The following HSDL2 variants were observed in gnomAD, a reference collection of about 807,000 sequenced individuals.
HSDL2 encodes hydroxysteroid dehydrogenase like 2.
A neutral mutation model predicts 46.3 loss-of-function variants in HSDL2; 27 were observed. The observed-to-expected ratio is 0.58, with a 90% CI of 0.43 to 0.80. HSDL2 has a LOEUF of 0.80. Ranked by LOEUF, HSDL2 falls within the 30% of genes least tolerant of loss-of-function variation. The probability of loss-of-function intolerance (pLI) is 0.00; values close to 1 mark genes in which losing one functional copy is unlikely to be tolerated. For missense variants in HSDL2, 451 were observed against 502.7 expected, an observed-to-expected ratio of 0.90 and a Z score of 0.98; for synonymous variants, 153 against 163.6, an observed-to-expected ratio of 0.94 and a Z score of 0.50.
intron 1 of HSDL2, among the ~76,000 whole-genome samples, chr9:112,396,910 A>C (rs1831469600): frequency 6.6e-6 from 1 of 152,074 alleles, no homozygotes; most frequent in South Asian, 2.1e-4. Context: ...TTGAAGCAGA[A>C]ATGCAACACT....
chr9:112,411,253 G>C (rs1052409931), intron 4 of HSDL2, among the ~76,000 whole-genome samples: 1 of 152,182 alleles, frequency 6.6e-6, no homozygotes, highest in Non-Finnish European at 1.5e-5. Flanking sequence ...TATGCCAAGA[G>C]GGCCGTATGT....
At chr9:112,390,295 A>G (rs760505861) in intron 1 of HSDL2, among the ~76,000 whole-genome samples, 16 of 152,086 alleles carry the variant, frequency 1.1e-4, no homozygotes, top group Non-Finnish European at 1.9e-4. Flanking sequence ...ATATATATTT[A>G]TGGACATTCA....
At chr9:112,384,140 T>C (rs1025337172) in intron 1 of HSDL2, among the ~76,000 whole-genome samples, 1 of 152,230 alleles carries the variant, frequency 6.6e-6, no homozygotes, top group Non-Finnish European at 1.5e-5. Context: ...TAGAATAATT[T>C]GTATAGTTTT....
At chr9:112,387,458 G>T (rs890846920) in intron 1 of HSDL2, among the ~76,000 whole-genome samples, 1 of 152,040 alleles carries the variant, frequency 6.6e-6, no homozygotes, top group Non-Finnish European at 1.5e-5. Flanking sequence ...GGGCTAAAGC[G>T]TTCTGCCCAC....
Position 112,470,362 on chromosome 9 carries a change from G to A in HSDL2, c.1145-70G>A, listed in dbSNP as rs1220649253. 6 of 857,302 alleles carry A rather than the reference G, an allele frequency of 7.0e-6. No individual in the cohort carries two copies. In the East Asian group the frequency reaches 7.6e-5, roughly 11 times the overall value. 53.1% of individuals were successfully genotyped at this position (857,302 alleles called of 1,614,324 possible). A position where few individuals can be genotyped will look rare whatever the true frequency, so the allele number is the denominator to read the frequency against. On this transcript the variant is annotated intron_variant, in intron 10 of 10. Transcript: ENST00000398805. ...CTCAAGGAGATTCTTTTTACAATGC[G>A]TGTTCTTAAAGCAATATATCCCTAA...
intron 6 of HSDL2, among the ~76,000 whole-genome samples, chr9:112,421,995 G>A (rs933858690): frequency 6.6e-6 from 1 of 152,182 alleles, no homozygotes; most frequent in African/African-American, 2.4e-5. Flanking sequence ...ACTCAGAAGG[G>A]CTTTGACCAC....
chr9:112,395,690 C>G (rs1831439335), intron 1 of HSDL2, among the ~76,000 whole-genome samples: 1 of 152,242 alleles, frequency 6.6e-6, no homozygotes. Flanking sequence ...AAAGGAGGGG[C>G]AGGCATGCCA....
chr9:112,420,280 C>G (rs907273543), intron 6 of HSDL2, among the ~76,000 whole-genome samples: 1 of 152,166 alleles, frequency 6.6e-6, no homozygotes, highest in Non-Finnish European at 1.5e-5. Context: ...GACCACTGCA[C>G]TCCATCCTGG....
At chr9:112,420,433 G>C (rs1480192430) in intron 6 of HSDL2, among the ~76,000 whole-genome samples, 1 of 151,914 alleles carries the variant, frequency 6.6e-6, no homozygotes, top group Non-Finnish European at 1.5e-5. Flanking sequence ...CACTTTGGGA[G>C]GCTGAGATTG....
chr9:112,442,292 AAAG>A lies in HSDL2; in HGVS notation c.865+529_865+531del, dbSNP rs1395659211. Among the ~76,000 whole-genome samples the A allele has an allele frequency of 6.4e-3, 783 of 122,042 alleles. 32 individuals are homozygous for A. The highest frequency in any genetic ancestry group is 0.014 in the East Asian group (51 of 3,644). 80.1% of individuals were successfully genotyped at this position (122,042 alleles called of 152,430 possible). A position where few individuals can be genotyped will look rare whatever the true frequency, so the allele number is the denominator to read the frequency against. Reference sequence around the variant, plus strand: ...TCAAAAAAAAAAAAAAAAAAAAAAAAAAGAAGAAGTTATTAATATATTCTTTGC... The same window carrying A: ...TCAAAAAAAAAAAAAAAAAAAAAAAAAAGAAGTTATTAATATATTCTTTGC... On this transcript the variant is annotated intron_variant, in intron 8 of 10. Coordinates refer to ENST00000398805, the MANE Select transcript of HSDL2 (RefSeq NM_032303.5).
intron 8 of HSDL2, among the ~76,000 whole-genome samples, chr9:112,447,449 A>C (rs1419578712): frequency 2.0e-5 from 3 of 152,198 alleles, no homozygotes; most frequent in African/African-American, 7.2e-5. Flanking sequence ...TGTAGATGAT[A>C]TATCTTGACT....
At chr9:112,422,170 CATT>C (rs2132647976) in intron 6 of HSDL2, among the ~76,000 whole-genome samples, 1 of 151,754 alleles carries the variant, frequency 6.6e-6, no homozygotes, top group South Asian at 2.1e-4. Flanking sequence ...AAGCTGGCAT[CATT>C]TAAACTATCC....
At chr9:112,380,856 T>A (rs779432050) in intron 1 of HSDL2, among the ~76,000 whole-genome samples, 1 of 152,180 alleles carries the variant, frequency 6.6e-6, no homozygotes, top group Non-Finnish European at 1.5e-5. Flanking sequence ...GCTCGTACAT[T>A]GGCAACCACC....
chr9:112,442,745 ATT>A (rs567587188), intron 8 of HSDL2, among the ~76,000 whole-genome samples: 1 of 147,678 alleles, frequency 6.8e-6, no homozygotes, highest in East Asian at 2.0e-4. Flanking sequence ...ACTCTCATCG[ATT>A]TTTTTTTTTA....
chr9:112,451,925 G>T (rs1832893906), intron 8 of HSDL2, among the ~76,000 whole-genome samples: 1 of 152,136 alleles, frequency 6.6e-6, no homozygotes, highest in South Asian at 2.1e-4. Flanking sequence ...CTTGACCTAG[G>T]TGGTGATGTT....
At chr9:112,416,517 C>T (rs1232059294) in intron 4 of HSDL2, among the ~76,000 whole-genome samples, 1 of 150,688 alleles carries the variant, frequency 6.6e-6, no homozygotes, top group African/African-American at 2.4e-5. Flanking sequence ...CTTCGGGAGT[C>T]TGAGGTAGGA....
Position 112,380,777 on chromosome 9 carries a change from A to G in HSDL2, c.17+597A>G, listed in dbSNP as rs572598989. On this transcript the variant is annotated intron_variant, in intron 1 of 10. Transcript: ENST00000398805. ...AGTAGATTCATATCGTTGTGCAGTC[A>G]ATCTCCAGAACTTTTTTCATCTGCA... 2.0e-3 allele frequency among the ~76,000 whole-genome samples: 302 copies of G among 152,210 alleles called. 1 individual carries two copies. Among genetic ancestry groups the G allele is most frequent in the South Asian group, 0.018 (88 of 4,820 alleles).
chr9:112,422,717 T>C (rs916142339), intron 6 of HSDL2, among the ~76,000 whole-genome samples: 1 of 152,160 alleles, frequency 6.6e-6, no homozygotes, highest in African/African-American at 2.4e-5. Context: ...AACAGTTCCC[T>C]TGAGCTGAAG....
intron 4 of HSDL2, among the ~76,000 whole-genome samples, chr9:112,416,391 T>C (rs970490458): frequency 6.6e-6 from 1 of 151,534 alleles, no homozygotes; most frequent in African/African-American, 2.4e-5. Context: ...ATCATGCCAC[T>C]GCACTCCAGC....
Sources: allele counts gnomAD v4.1 joint callset (sites outside exome capture counted in the v4.1 genomes callset), GRCh38; gene constraint gnomAD v4.1.1; transcripts MANE v1.5; gene names NCBI Gene and HGNC (gene_info 2026-07-23, HGNC 2026-07-21).